The following TG variants were observed in gnomAD, a reference collection of about 807,000 sequenced individuals.
TG encodes the protein thyroglobulin.
In TG, 270 loss-of-function variants were observed where a neutral mutation model predicts 324.7. That is an observed-to-expected ratio of 0.83 (90% confidence interval 0.75 to 0.92). TG has a LOEUF of 0.92. TG is among the 40% of genes least tolerant of loss of function. The probability of loss-of-function intolerance (pLI) is 0.00; values close to 1 mark genes in which losing one functional copy is unlikely to be tolerated. For missense variants in TG, 3,591 were observed against 3,456.4 expected (o/e 1.04, Z -0.98); for synonymous variants, 1,401 against 1,327.0 (o/e 1.06, Z -1.21).
At chr8:133,044,100 C>A (rs1390848318) in intron 41 of TG, among the ~76,000 whole-genome samples, 2 of 152,200 alleles carry the variant, frequency 1.3e-5, no homozygotes, top group African/African-American at 2.4e-5. Flanking sequence ...ACACAAACAG[C>A]CAACCTCAGG....
intron 23 of TG, among the ~76,000 whole-genome samples, chr8:132,931,834 G>A (rs922419313): frequency 6.6e-5 from 10 of 152,190 alleles, no homozygotes; most frequent in Non-Finnish European, 1.0e-4. Flanking sequence ...AGTAGCTCAT[G>A]CTTGTAATGC....
At chr8:133,131,679 C>T in intron 45 of TG, 133 bp from the exon 46 acceptor site, 1 of 1,340,384 alleles carries the variant, frequency 7.5e-7, no homozygotes, top group Non-Finnish European at 1.0e-6. Context: ...GGGCCCTAAA[C>T]AGGATACTTG....
In TG at chr8:132,929,105, T is replaced by C; in HGVS notation, c.4729T>C (p.Ser1577Pro). The change falls in exon 23 of 48, where the codon TCA becomes CCA. Residue 1577 changes from serine to proline, a missense_variant. Coordinates refer to ENST00000220616, the MANE Select transcript of TG (RefSeq NM_003235.5). ...GCAGAAGTTTGAGAAGGTTCCAGAA[T>C]CAAAGGTGATCTTCGACGCCAATGC... ...MMQKFEKVPESKVIFDANAPV... is the reference protein window; with the variant it reads ...MMQKFEKVPEPKVIFDANAPV... 2.5e-6 allele frequency: 4 copies of C among 1,614,052 alleles called. No homozygotes were observed. The highest frequency in any genetic ancestry group is 3.4e-6 in the Non-Finnish European group (4 of 1,180,006).
rs1318177518 is a variant in TG, at chr8:132,986,906, T to A, written c.6262+3494T>A. Among the ~76,000 whole-genome samples the A allele has an allele frequency of 2.0e-5, 3 of 152,190 alleles. No individual in the cohort carries two copies. The South Asian group carries it at 6.2e-4, about 32-fold the overall frequency. Reference sequence around the variant, plus strand: ...ATCCTTAAGTTTTATCACTAAAAAATTATTTATTAAATTTATAGATAAAGA... The same window carrying A: ...ATCCTTAAGTTTTATCACTAAAAAAATATTTATTAAATTTATAGATAAAGA... On this transcript the variant is annotated intron_variant, in intron 35 of 47. Coordinates refer to ENST00000220616, the MANE Select transcript of TG (RefSeq NM_003235.5).
chr8:133,009,732 G>C (rs554120057), intron 35 of TG, among the ~76,000 whole-genome samples: 2 of 151,828 alleles, frequency 1.3e-5, no homozygotes, highest in African/African-American at 4.8e-5. Context: ...TGGTCTTTCT[G>C]CTCTCTGCCA....
chr8:133,051,084 G>A (rs140451912), intron 41 of TG, among the ~76,000 whole-genome samples: 8 of 152,320 alleles, frequency 5.3e-5, no homozygotes, highest in Non-Finnish European at 1.2e-4. Context: ...AGATGGCTCT[G>A]CAGGGTGTGC....
chr8:132,927,250 C>T (rs537735436), intron 22 of TG, among the ~76,000 whole-genome samples: 6 of 152,196 alleles, frequency 3.9e-5, no homozygotes, highest in African/African-American at 1.2e-4. Flanking sequence ...ATTTGCCTAT[C>T]CCTCCTTTCC....
chr8:132,910,706 C>T (rs1382263439), intron 18 of TG, among the ~76,000 whole-genome samples: 1 of 152,160 alleles, frequency 6.6e-6, no homozygotes, highest in Non-Finnish European at 1.5e-5. Flanking sequence ...TCTCAGCCTC[C>T]AGAACTTATG....
intron 46 of TG, among the ~76,000 whole-genome samples, chr8:133,132,155 AATT>A (rs1851992267): frequency 6.6e-6 from 1 of 152,202 alleles, no homozygotes; most frequent in Admixed American, 6.5e-5. Flanking sequence ...GAAAAGCTCT[AATT>A]ATACCAGCTG....
chr8:132,990,182 A>ATAAT lies in TG; in HGVS notation c.6262+6770_6262+6771insTAAT, dbSNP rs61106824. Among the ~76,000 whole-genome samples, 4 of 142,036 alleles carry ATAAT rather than the reference A, an allele frequency of 2.8e-5. No homozygotes were observed. In the Admixed American group the frequency reaches 2.8e-4, roughly 10 times the overall value. The allele number at this position is 142,036 out of a possible 152,430, so 93.2% of individuals were successfully genotyped here. A position where few individuals can be genotyped will look rare whatever the true frequency, so the allele number is the denominator to read the frequency against. ...ATTATATATATATATATATATATATAATATACATGTACGTATACACACCCA... is the reference window on the plus strand; with the variant it reads ...ATTATATATATATATATATATATATATAATATATACATGTACGTATACACACCCA... On this transcript the variant is annotated intron_variant, in intron 35 of 47. Transcript: ENST00000220616.
At chr8:133,061,533 T>C (rs1281913208) in intron 41 of TG, among the ~76,000 whole-genome samples, 1 of 152,194 alleles carries the variant, frequency 6.6e-6, no homozygotes, top group African/African-American at 2.4e-5. Flanking sequence ...TATCAGAGAA[T>C]AGGGTTTTAG....
intron 41 of TG, chr8:133,046,593 T>C (rs542045468): frequency 6.6e-6 from 1 of 152,396 alleles, no homozygotes; most frequent in Non-Finnish European, 1.5e-5. Flanking sequence ...CAATGGCACA[T>C]CTGCCTGATG....
intron 41 of TG, among the ~76,000 whole-genome samples, chr8:133,034,610 G>T (rs1330745738): frequency 6.6e-6 from 1 of 152,068 alleles, no homozygotes; most frequent in Non-Finnish European, 1.5e-5. Context: ...ATAAGGAGGA[G>T]ACCCAGTACT....
chr8:132,907,561 T>A (rs1818869837), intron 17 of TG, among the ~76,000 whole-genome samples: 1 of 152,164 alleles, frequency 6.6e-6, no homozygotes, highest in Non-Finnish European at 1.5e-5. Flanking sequence ...CACAAGGCTC[T>A]GGGTGGATGC....
At chr8:133,106,083 G>C (rs1849777090) in intron 43 of TG, among the ~76,000 whole-genome samples, 2 of 152,172 alleles carry the variant, frequency 1.3e-5, no homozygotes, top group Non-Finnish European at 2.9e-5. Context: ...TCTAGGTGGG[G>C]GTGGGACTCA....
At chr8:132,894,941 G>T (rs1445618875) in intron 11 of TG, among the ~76,000 whole-genome samples, 1 of 152,210 alleles carries the variant, frequency 6.6e-6, no homozygotes, top group Non-Finnish European at 1.5e-5. Context: ...ATTCACACAA[G>T]TGATAACCAG....
At chr8:133,006,672 C>T (rs760434139) in intron 35 of TG, among the ~76,000 whole-genome samples, 12 of 152,164 alleles carry the variant, frequency 7.9e-5, no homozygotes, top group South Asian at 2.1e-4. Context: ...CTTGCTAGAC[C>T]GGAATATAGT....
At position 133,093,146 on chromosome 8, in the gene TG, T is replaced by TTCTTTTCTTTTCTTTTCTTTTCTTTTC. The variant is rs879559542; in HGVS notation, c.7240-1897_7240-1896insCTTTTCTTTTCTTTTCTTTTCTTTTCT. 7.1e-3 allele frequency among the ~76,000 whole-genome samples: 986 copies of TTCTTTTCTTTTCTTTTCTTTTCTTTTC among 139,032 alleles called. 14 individuals carry two copies. Among genetic ancestry groups the TTCTTTTCTTTTCTTTTCTTTTCTTTTC allele is most frequent in the African/African-American group, 0.024 (931 of 38,704 alleles). 91.2% of individuals were successfully genotyped at this position (139,032 alleles called of 152,430 possible). On this transcript the variant is annotated intron_variant, in intron 41 of 47. Transcript: ENST00000220616. ...TTTCTTTTCTTTTCTTTTCTTTTTT[T>TTCTTTTCTTTTCTTTTCTTTTCTTTTC]TTTTTAATTTAAAGTACATCCAATG...
intron 41 of TG, among the ~76,000 whole-genome samples, chr8:133,030,948 G>A (rs1025154172): frequency 6.6e-6 from 1 of 152,220 alleles, no homozygotes; most frequent in African/African-American, 2.4e-5. Context: ...TGAGTCCATG[G>A]GGAGCCTTCA....
Sources: allele counts gnomAD v4.1 joint callset (sites outside exome capture counted in the v4.1 genomes callset), GRCh38; gene constraint gnomAD v4.1.1; transcripts MANE v1.5; gene names NCBI Gene and HGNC (gene_info 2026-07-23, HGNC 2026-07-21).